ZNF407: variants seen among roughly 807,000 people sequenced by gnomAD.
ZNF407 encodes the protein zinc finger protein 407.
In ZNF407, 17 loss-of-function variants were observed where a neutral mutation model predicts 131.2. The ratio of observed to expected loss-of-function variants is 0.13; its 90% confidence interval spans 0.09 to 0.19. The LOEUF (loss-of-function observed/expected upper bound fraction) is 0.19, where lower values mean the gene tolerates loss of function less well. Among genes scored for constraint, ZNF407 ranks in the 10% least tolerant of loss-of-function variants. The pLI, the probability that ZNF407 is intolerant of heterozygous loss-of-function variation, is 1.00. For missense variants in ZNF407, 2,681 were observed against 2,830.6 expected (o/e 0.95, Z 1.20); for synonymous variants, 1,156 against 1,062.0 (o/e 1.09, Z -1.72).
chr18:74,923,104 T>C (rs1243766779), intron 8 of ZNF407, among the ~76,000 whole-genome samples: 1 of 152,234 alleles, frequency 6.6e-6, no homozygotes, highest in East Asian at 1.9e-4. Context: ...TTCAGTCCTT[T>C]TTAGCAACCA....
chr18:74,755,026 G>A (rs1050164794), intron 3 of ZNF407, among the ~76,000 whole-genome samples: 1 of 152,084 alleles, frequency 6.6e-6, no homozygotes. Context: ...TAGGAATCTG[G>A]GTGCTCCTGT....
intron 1 of ZNF407, among the ~76,000 whole-genome samples, chr18:74,615,003 G>A (rs956850541): frequency 7.9e-5 from 12 of 152,212 alleles, no homozygotes; most frequent in Non-Finnish European, 1.0e-4. Context: ...ATGAGTGGAA[G>A]TGATAGATGC....
intron 8 of ZNF407, among the ~76,000 whole-genome samples, chr18:75,030,128 A>C (rs770219832): frequency 6.6e-6 from 1 of 152,210 alleles, no homozygotes; most frequent in Non-Finnish European, 1.5e-5. Context: ...CTGGGTGGTC[A>C]TAGAGTATTA....
At chr18:74,816,318 T>G (rs1970266913) in intron 4 of ZNF407, among the ~76,000 whole-genome samples, 1 of 152,230 alleles carries the variant, frequency 6.6e-6, no homozygotes, top group Non-Finnish European at 1.5e-5. Flanking sequence ...AATTAAGATT[T>G]CATTAATTAA....
At chr18:74,641,233 C>T (rs1195964291) in intron 3 of ZNF407, 111 bp downstream of exon 3, 9 of 726,498 alleles carry the variant, frequency 1.2e-5, no homozygotes, top group East Asian at 7.5e-5. Flanking sequence ...ATTATGCATG[C>T]GTACCCTCCT....
At chr18:75,042,739 T>C (rs1973387988) in intron 8 of ZNF407, among the ~76,000 whole-genome samples, 1 of 152,208 alleles carries the variant, frequency 6.6e-6, no homozygotes, top group African/African-American at 2.4e-5. Flanking sequence ...CTTCAGTAAA[T>C]CTCTTCTCCT....
At chr18:74,623,780 C>T (rs1489105503) in intron 1 of ZNF407, among the ~76,000 whole-genome samples, 1 of 151,830 alleles carries the variant, frequency 6.6e-6, no homozygotes, top group Admixed American at 6.6e-5. Context: ...GTGACAGTTT[C>T]TGGGTGAATT....
chr18:74,892,929 G>A (rs560940692), intron 7 of ZNF407, among the ~76,000 whole-genome samples: 10 of 152,124 alleles, frequency 6.6e-5, no homozygotes, highest in Non-Finnish European at 8.8e-5. Context: ...TAAGGCTTTT[G>A]ATAGTATGAC....
At chr18:74,626,897 C>T (rs1983808773) in intron 1 of ZNF407, among the ~76,000 whole-genome samples, 1 of 152,200 alleles carries the variant, frequency 6.6e-6, no homozygotes, top group Admixed American at 6.5e-5. Flanking sequence ...AGGCATCTTG[C>T]TGGTAGGATG....
In ZNF407 at chr18:75,064,319, C is replaced by T; in HGVS notation, c.6598C>T (p.Leu2200=). ...GGAGACTGCGGACTCGCAGGAACTC[C>T]TGCAGGCCGGGGCCACGCTAGGCAC... The part of the protein sequence containing the change: ...VLETADSQEL[L]QAGATLGTEA... Residue 2200 remains leucine, a synonymous_variant, in exon 9 of 9, where the codon CTG becomes TTG. Coordinates refer to ENST00000299687, the MANE Select transcript of ZNF407 (RefSeq NM_017757.3). 6.3e-7 allele frequency: 1 copy of T among 1,599,556 alleles called. No homozygotes were observed. Among genetic ancestry groups the T allele is most frequent in the Non-Finnish European group, 8.5e-7 (1 of 1,173,998 alleles).
At position 74,633,505 on chromosome 18, in the gene ZNF407, A is replaced by G. The variant is rs775166972; in HGVS notation, c.2486A>G (p.Lys829Arg). Residue 829 changes from lysine (K) to arginine (R), a missense_variant, in exon 2 of 9, where the codon AAA (lysine) becomes AGA (arginine). Lys to Arg is a conservative substitution (Grantham distance 26, BLOSUM62 2). This residue lies in a region of ZNF407 where 1,789 missense variants were observed against 1,748.7 expected (regional missense o/e 1.02). Coordinates refer to ENST00000299687, the MANE Select transcript of ZNF407 (RefSeq NM_017757.3). ...EELSQSGGST[K>R]DDELASTTTP... is the part of the protein sequence containing the mutation. ...CTGTCACAGTCTGGTGGTAGCACCA[A>G]AGATGATGAATTAGCTTCAACCACT... 2.5e-6 allele frequency: 4 copies of G among 1,614,044 alleles called. No individual in the cohort carries two copies. The highest frequency in any genetic ancestry group is 1.3e-5 in the African/African-American group (1 of 75,068).
intron 3 of ZNF407, among the ~76,000 whole-genome samples, chr18:74,745,586 T>C (rs1462792737): frequency 6.6e-6 from 1 of 152,234 alleles, no homozygotes; most frequent in Non-Finnish European, 1.5e-5. Context: ...CCTTTGCCTA[T>C]GTGTTTGATT....
At chr18:74,838,508 A>G (rs984782576) in intron 4 of ZNF407, among the ~76,000 whole-genome samples, 2 of 152,012 alleles carry the variant, frequency 1.3e-5, no homozygotes, top group Admixed American at 1.3e-4. Flanking sequence ...TTTCATATCT[A>G]CATTCTAATC....
intron 3 of ZNF407, among the ~76,000 whole-genome samples, chr18:74,723,351 C>A (rs1968083920): frequency 6.6e-6 from 1 of 152,092 alleles, no homozygotes; most frequent in Admixed American, 6.5e-5. Context: ...ATGTAGAATA[C>A]ATTTGTATTG....
chr18:75,035,777 A>C (rs1973301167), intron 8 of ZNF407, among the ~76,000 whole-genome samples: 1 of 152,222 alleles, frequency 6.6e-6, no homozygotes, highest in Non-Finnish European at 1.5e-5. Flanking sequence ...TCTGGAATAC[A>C]TTGCAAATGC....
rs1282410677 is a variant in ZNF407 at position 75,063,511 on chromosome 18, C to T, written c.5790C>T (p.Leu1930=). 6.3e-6 allele frequency: 10 copies of T among 1,584,744 alleles called. No homozygotes were observed. Among genetic ancestry groups the T allele is most frequent in the Non-Finnish European group, 8.6e-6 (10 of 1,167,036 alleles). ...GCAGCGTGGTGCCCGGACCCATCCTCCCCGAGCAGCTGGCTGATGGAGCCA... is the reference window on the plus strand; with the variant it reads ...GCAGCGTGGTGCCCGGACCCATCCTTCCCGAGCAGCTGGCTGATGGAGCCA... ...HVGSVVPGPI[L]PEQLADGATQ... is the part of the protein sequence containing the mutation. The change falls in exon 9 of 9, where the codon CTC becomes CTT. Residue 1930 remains leucine, a synonymous_variant. Coordinates refer to ENST00000299687, the MANE Select transcript of ZNF407 (RefSeq NM_017757.3). The surrounding 1 kb of genome is among the most constrained non-coding windows in gnomAD (Gnocchi z 6.6).
At chr18:74,962,985 C>T (rs554708348) in intron 8 of ZNF407, among the ~76,000 whole-genome samples, 1 of 152,214 alleles carries the variant, frequency 6.6e-6, no homozygotes, top group Non-Finnish European at 1.5e-5. Context: ...AAGAGATTAT[C>T]CTGCTCTGAC....
intron 7 of ZNF407, among the ~76,000 whole-genome samples, chr18:74,902,447 T>C (rs562626906): frequency 7.5e-4 from 114 of 152,314 alleles, no homozygotes; most frequent in African/African-American, 2.7e-3. Context: ...CCGGGAGTAC[T>C]ATATATTCCT....
chr18:74,991,576 C>T lies in ZNF407; in HGVS notation c.5428+70884C>T, dbSNP rs528576677. 9.2e-5 allele frequency among the ~76,000 whole-genome samples: 14 copies of T among 152,284 alleles called. No individual in the cohort carries two copies. In the East Asian group the frequency reaches 2.7e-3, roughly 29 times the overall value. On this transcript the variant is annotated intron_variant, in intron 8 of 8. Transcript: ENST00000299687. ...ATATATTCTTCTTTAAAATCAATAC[C>T]TATTCGGTATTGGTCACTAAATTTA...
Sources: gnomAD v4.1 joint callset for allele counts (sites outside exome capture counted in the v4.1 genomes callset) on GRCh38, gnomAD v4.1.1 for gene constraint, gnomAD v4.1.1 regional missense constraint, Gnocchi (gnomAD v3.1) non-coding constraint, MANE v1.5 for transcripts, NCBI Gene and HGNC (gene_info 2026-07-23, HGNC 2026-07-21) for gene names.